The following HYAL4 variants were observed in gnomAD, a reference collection of about 807,000 sequenced individuals.
The protein encoded by HYAL4 is hyaluronidase 4.
A neutral mutation model predicts 35.2 loss-of-function variants in HYAL4; 37 were observed. That is an observed-to-expected ratio of 1.05 (90% CI 0.81 to 1.38). The LOEUF (loss-of-function observed/expected upper bound fraction) is 1.38, where lower values mean the gene tolerates loss of function less well. HYAL4 is among the 40% of genes most tolerant of loss of function. HYAL4 has a pLI of 0.00. For synonymous variants in HYAL4, 198 were observed against 203.2 expected (o/e 0.97, Z 0.22); for missense variants, 572 against 572.4 (o/e 1.00, Z 0.01).
At chr7:123,818,078 T>C in the HYAL4 span, among the ~76,000 whole-genome samples, 1 of 152,118 alleles carries the variant, frequency 6.6e-6, no homozygotes, top group Non-Finnish European at 1.5e-5. Flanking sequence ...GGTTTCACCA[T>C]GTTGGCCAGG....
chr7:123,813,964 T>A, the HYAL4 span, among the ~76,000 whole-genome samples: 1 of 152,190 alleles, frequency 6.6e-6, no homozygotes, highest in Admixed American at 6.5e-5. Context: ...GAGTATATAT[T>A]TTTTTCACAT....
chr7:123,783,403 G>C, the HYAL4 span, among the ~76,000 whole-genome samples: 1 of 152,044 alleles, frequency 6.6e-6, no homozygotes, highest in South Asian at 2.1e-4. Flanking sequence ...TTAATCTAGT[G>C]GTGGAACACA....
rs1026795391 is a variant in HYAL4 at position 123,874,751 on chromosome 7, T to C, written c.955-10T>C. On this transcript the variant is annotated splice_polypyrimidine_tract_variant and intron_variant, in intron 3 of 4. Coordinates refer to ENST00000223026, the MANE Select transcript of HYAL4 (RefSeq NM_012269.3). ...CAAATTAATAATGAACTCTACTGTC[T>C]TCAATCTAGCAAGATCTAGTCAGCA... 14 of 1,544,908 alleles carry C rather than the reference T, an allele frequency of 9.1e-6. No individual in the cohort carries two copies. The highest frequency in any genetic ancestry group is 1.7e-4 in the Middle Eastern group (1 of 5,924).
At chr7:123,797,518 C>G in the HYAL4 span, among the ~76,000 whole-genome samples, 1 of 152,152 alleles carries the variant, frequency 6.6e-6, no homozygotes, top group East Asian at 1.9e-4. Context: ...TTTTTCTTGC[C>G]TTTGCAAAAA....
intron 1 of HYAL4, among the ~76,000 whole-genome samples, chr7:123,833,169 A>T (rs935918372): frequency 2.0e-5 from 3 of 152,166 alleles, no homozygotes; most frequent in Admixed American, 2.0e-4. Context: ...TGCTTTCCAT[A>T]GTGATTGTAC....
the HYAL4 span, among the ~76,000 whole-genome samples, chr7:123,783,446 TATAAC>T: frequency 0.066 from 10,041 of 152,238 alleles, 414 homozygotes; most frequent in East Asian, 0.11. Context: ...AGTTAAGTGA[TATAAC>T]AAGACATAAA....
chr7:123,764,833 G>T, the HYAL4 span, among the ~76,000 whole-genome samples: 1 of 152,112 alleles, frequency 6.6e-6, no homozygotes, highest in East Asian at 1.9e-4. Flanking sequence ...TCTTTTGCCA[G>T]CTACCAGCTT....
intron 1 of HYAL4, chr7:123,829,319 G>A (rs1051596742): frequency 1.3e-5 from 2 of 152,026 alleles, no homozygotes; most frequent in African/African-American, 4.8e-5. Flanking sequence ...CAATTTATTA[G>A]TTTTTCTCAT....
the HYAL4 span, among the ~76,000 whole-genome samples, chr7:123,820,174 T>C: frequency 2.0e-5 from 3 of 151,908 alleles, no homozygotes; most frequent in Non-Finnish European, 4.4e-5. Flanking sequence ...ATTACAGGCA[T>C]GAGCCACTGT....
chr7:123,857,665 G>GTTTCTTTCTTTC (rs71163707), intron 2 of HYAL4, among the ~76,000 whole-genome samples: 78 of 95,578 alleles, frequency 8.2e-4, no homozygotes, highest in African/African-American at 1.5e-3. Context: ...TTCTTTCTTT[G>GTTTCTTTCTTTC]TTTGTTTCTT....
chr7:123,772,472 T>C, the HYAL4 span, among the ~76,000 whole-genome samples: 1 of 152,332 alleles, frequency 6.6e-6, no homozygotes, highest in South Asian at 2.1e-4. Flanking sequence ...ACTTGTCATC[T>C]GAGAGGCTTG....
the HYAL4 span, among the ~76,000 whole-genome samples, chr7:123,783,964 A>G: frequency 6.6e-6 from 1 of 152,316 alleles, no homozygotes; most frequent in South Asian, 2.1e-4. Flanking sequence ...ATTGTCATAA[A>G]ATGTGTTTGT....
chr7:123,820,349 C>T, the HYAL4 span, among the ~76,000 whole-genome samples: 5 of 151,854 alleles, frequency 3.3e-5, no homozygotes, highest in South Asian at 6.3e-4. Flanking sequence ...TTTGGGAGGC[C>T]GAGGCAGGTG....
chr7:123,779,719 GAATC>G, the HYAL4 span, among the ~76,000 whole-genome samples: 1 of 151,964 alleles, frequency 6.6e-6, no homozygotes, highest in African/African-American at 2.4e-5. Context: ...ATTTAGGAGA[GAATC>G]AAGCTTAATT....
At chr7:123,818,055 T>C in the HYAL4 span, among the ~76,000 whole-genome samples, 1 of 151,888 alleles carries the variant, frequency 6.6e-6, no homozygotes, top group African/African-American at 2.4e-5. Flanking sequence ...TTTTGTATTT[T>C]TAGTAGAGAT....
chr7:123,768,371 G>A, the HYAL4 span, among the ~76,000 whole-genome samples: 11 of 152,230 alleles, frequency 7.2e-5, no homozygotes, highest in African/African-American at 2.2e-4. Context: ...TGTACTTTCT[G>A]GTTTGTTTAT....
the HYAL4 span, among the ~76,000 whole-genome samples, chr7:123,788,648 G>A: frequency 6.6e-6 from 1 of 152,174 alleles, no homozygotes; most frequent in African/African-American, 2.4e-5. Flanking sequence ...GAGGGTACAG[G>A]AATATTTTTG....
the HYAL4 span, among the ~76,000 whole-genome samples, chr7:123,800,593 A>G: frequency 6.6e-6 from 1 of 151,734 alleles, no homozygotes; most frequent in South Asian, 2.1e-4. Flanking sequence ...ATTTTCTTGC[A>G]TCTTTAACAA....
At chr7:123,806,775 TC>T in the HYAL4 span, among the ~76,000 whole-genome samples, 2 of 152,216 alleles carry the variant, frequency 1.3e-5, no homozygotes, top group Non-Finnish European at 2.9e-5. Context: ...TCTCTCGTAC[TC>T]CTTCTGTCTC....
Sources: gnomAD v4.1 joint callset for allele counts (sites outside exome capture counted in the v4.1 genomes callset) on GRCh38, gnomAD v4.1.1 for gene constraint, MANE v1.5 for transcripts, NCBI Gene and HGNC (gene_info 2026-07-23, HGNC 2026-07-21) for gene names.